The following RARB variants were observed in gnomAD, a reference collection of about 807,000 sequenced individuals.
The protein encoded by RARB is HBV-activated protein.
A neutral mutation model predicts 51.9 loss-of-function variants in RARB; 17 were observed. The ratio of observed to expected loss-of-function variants is 0.33; its 90% CI spans 0.22 to 0.49. The LOEUF is 0.49. Among genes scored for constraint, RARB ranks in the 20% least tolerant of loss-of-function variants. The pLI is 0.99. For missense variants in RARB, 369 were observed against 550.8 expected (o/e 0.67, Z 3.30); for synonymous variants, 215 against 195.4 (o/e 1.10, Z -0.84).
intron 5 of RARB, among the ~76,000 whole-genome samples, chr3:25,264,938 G>A (rs1170913826): frequency 6.6e-6 from 1 of 152,140 alleles, no homozygotes; most frequent in Non-Finnish European, 1.5e-5. Context: ...CAATGTGATA[G>A]TATTTGGAGG....
chr3:25,233,638 A>G (rs955550793), intron 5 of RARB, among the ~76,000 whole-genome samples: 2 of 152,136 alleles, frequency 1.3e-5, no homozygotes, highest in Non-Finnish European at 2.9e-5. Flanking sequence ...AAAATCATTC[A>G]GTCTTTCACC....
chr3:25,108,586 G>A (rs1699549471), intron 3 of RARB, among the ~76,000 whole-genome samples: 1 of 152,074 alleles, frequency 6.6e-6, no homozygotes, highest in Admixed American at 6.6e-5. Flanking sequence ...ACATCTAACT[G>A]CCAGGAAGCC....
At chr3:25,358,382 T>C (rs1705818383) in intron 5 of RARB, among the ~76,000 whole-genome samples, 1 of 152,224 alleles carries the variant, frequency 6.6e-6, no homozygotes. Context: ...GATTTTGGGC[T>C]GGGACAACGG....
chr3:25,332,783 T>A (rs1371594877), intron 5 of RARB, among the ~76,000 whole-genome samples: 3 of 152,172 alleles, frequency 2.0e-5, no homozygotes, highest in Non-Finnish European at 4.4e-5. Flanking sequence ...AACCCCATCA[T>A]CTCAGCCCAA....
In RARB at chr3:25,487,035, G is replaced by A. The variant is rs1240553163; in HGVS notation, c.307-14147G>A. On this transcript the variant is annotated intron_variant, in intron 2 of 7. Coordinates refer to ENST00000330688, the MANE Select transcript of RARB (RefSeq NM_000965.5). ...CTTGGAGAGGAGAGAGAGGAGGGAT[G>A]CTGGACTAGTTCCCCTGCTCAGTCA... Among the ~76,000 whole-genome samples the A allele has an allele frequency of 3.3e-5, 5 of 152,298 alleles. No homozygotes were observed. In the East Asian group the frequency reaches 7.7e-4, roughly 24 times the overall value.
chr3:25,103,558 C>T (rs1032470726), intron 3 of RARB, among the ~76,000 whole-genome samples: 10 of 152,316 alleles, frequency 6.6e-5, no homozygotes, highest in African/African-American at 1.9e-4. Context: ...GATTAGAAAT[C>T]ATGAAAGTTT....
chr3:25,042,037 G>C (rs1220065875), intron 2 of RARB, among the ~76,000 whole-genome samples: 2 of 152,128 alleles, frequency 1.3e-5, no homozygotes, highest in Admixed American at 6.5e-5. Context: ...ATAACATCGG[G>C]AGTGGAAGGG....
intron 2 of RARB, among the ~76,000 whole-genome samples, chr3:24,977,172 T>C (rs143415474): frequency 0.014 from 2,180 of 152,298 alleles, 35 homozygotes; most frequent in African/African-American, 0.047. Context: ...AGCCTTGTAG[T>C]ATAGTTTGAA....
intron 5 of RARB, among the ~76,000 whole-genome samples, chr3:25,593,245 G>C (rs1035528004): frequency 6.6e-6 from 1 of 151,724 alleles, no homozygotes; most frequent in African/African-American, 2.4e-5. Context: ...TTTGAGTCAA[G>C]TAATGAATTA....
intron 5 of RARB, among the ~76,000 whole-genome samples, chr3:25,204,904 C>G (rs987607667): frequency 5.9e-5 from 9 of 152,342 alleles, no homozygotes; most frequent in Admixed American, 2.6e-4. Context: ...CCTGTTCATT[C>G]TCAGATCTCA....
chr3:24,838,798 GGGCAGCCCTAACTTAGCTCCA>G (rs1460269711), intron 1 of RARB, among the ~76,000 whole-genome samples: 1 of 152,058 alleles, frequency 6.6e-6, no homozygotes, highest in Non-Finnish European at 1.5e-5. Flanking sequence ...ACATGAAAGA[GGGCAGCCCTAACTTAGCTCCA>G]GGCACTTGTT....
At chr3:25,418,617 A>G (rs57155197) in intron 5 of RARB, among the ~76,000 whole-genome samples, 1 of 149,066 alleles carries the variant, frequency 6.7e-6, no homozygotes, top group Non-Finnish European at 1.5e-5. Context: ...TGAAAGAAAA[A>G]AAAAAATGAC....
intron 3 of RARB, among the ~76,000 whole-genome samples, chr3:25,094,493 G>A (rs564469200): frequency 3.3e-5 from 5 of 152,074 alleles, no homozygotes; most frequent in African/African-American, 1.2e-4. Context: ...AAGGTGGGTG[G>A]ATCACTTGAG....
In RARB at chr3:25,497,980, T is replaced by G. The variant is rs541207878; in HGVS notation, c.307-3202T>G. On this transcript the variant is annotated intron_variant, in intron 2 of 7. Transcript: ENST00000330688. Reference sequence around the variant, plus strand: ...TCTTGAGTCAGTGCTGATGTGTGTCTCATGCTGGCCAAGCTCCCTTTTCAG... The same window carrying G: ...TCTTGAGTCAGTGCTGATGTGTGTCGCATGCTGGCCAAGCTCCCTTTTCAG... Among the ~76,000 whole-genome samples, 5 of 152,298 alleles carry G rather than the reference T, an allele frequency of 3.3e-5. No individual in the cohort carries two copies. The East Asian group carries it at 9.7e-4, about 29-fold the overall frequency.
At chr3:25,215,443 C>T (rs550384158) in intron 5 of RARB, among the ~76,000 whole-genome samples, 9 of 152,238 alleles carry the variant, frequency 5.9e-5, no homozygotes, top group African/African-American at 2.2e-4. Context: ...ACATGTCCAT[C>T]CACAGTACTG....
chr3:25,282,486 A>G (rs898619937), intron 5 of RARB, among the ~76,000 whole-genome samples: 1 of 147,482 alleles, frequency 6.8e-6, no homozygotes, highest in Non-Finnish European at 1.5e-5. Context: ...AGCACTTTTT[A>G]TGATACAAAA....
chr3:25,244,230 A>G (rs902126297), intron 5 of RARB, among the ~76,000 whole-genome samples: 5 of 142,726 alleles, frequency 3.5e-5, no homozygotes, highest in African/African-American at 1.3e-4. Context: ...CTAGCAGTCT[A>G]TTTTTTTAAT....
chr3:25,585,589 C>G (rs1461550311), intron 5 of RARB, among the ~76,000 whole-genome samples: 2 of 152,164 alleles, frequency 1.3e-5, no homozygotes, highest in African/African-American at 4.8e-5. Flanking sequence ...TTCATATCAG[C>G]CCCGTGGGCA....
In RARB at chr3:25,337,752, A is replaced by G. The variant is rs182725522; in HGVS notation, c.179-123441A>G. Among the ~76,000 whole-genome samples, 13 of 152,162 alleles carry G rather than the reference A, an allele frequency of 8.5e-5. No homozygotes were observed. The East Asian group carries it at 1.9e-3, about 23-fold the overall frequency. On this transcript the variant is annotated intron_variant, in intron 5 of 11. Coordinates refer to the RARB transcript ENST00000383772. Reference sequence around the variant, plus strand: ...GCTTTATTTTTTTGTGTGCAGCACTATTACCTGAAATTATAAATACCTTTT... The same window carrying G: ...GCTTTATTTTTTTGTGTGCAGCACTGTTACCTGAAATTATAAATACCTTTT...
Sources: allele counts gnomAD v4.1 joint callset (sites outside exome capture counted in the v4.1 genomes callset), GRCh38; gene constraint gnomAD v4.1.1; transcripts MANE v1.5; gene names NCBI Gene and HGNC (gene_info 2026-07-23, HGNC 2026-07-21).